Variants in TMEM117 observed in about 807,000 individuals in gnomAD.
TMEM117 encodes transmembrane protein 117.
Under a neutral mutation model 52.4 loss-of-function variants are expected in TMEM117, and 27 were observed. The observed-to-expected ratio is 0.51, with a 90% confidence interval of 0.38 to 0.71. The LOEUF (loss-of-function observed/expected upper bound fraction) is 0.71. Among genes scored for constraint, TMEM117 ranks in the 30% least tolerant of loss-of-function variants. TMEM117 has a pLI of 0.00. For missense variants in TMEM117, 556 were observed against 630.5 expected (o/e 0.88, Z 1.26); for synonymous variants, 215 against 206.3 (o/e 1.04, Z -0.36).
chr12:43,959,416 T>C (rs1028837774), intron 3 of TMEM117, among the ~76,000 whole-genome samples: 2 of 152,236 alleles, frequency 1.3e-5, no homozygotes, highest in Non-Finnish European at 2.9e-5. Flanking sequence ...ATTTATCATT[T>C]AGTGGAAAAA....
intron 3 of TMEM117, chr12:44,009,651 C>A (rs1468223183): frequency 4.2e-6 from 1 of 239,026 alleles, no homozygotes. Context: ...GGTTAGGGCT[C>A]CGCTGGTTTA....
intron 2 of TMEM117, among the ~76,000 whole-genome samples, chr12:43,904,212 T>C (rs888645628): frequency 6.6e-6 from 1 of 152,142 alleles, no homozygotes; most frequent in Admixed American, 6.6e-5. Flanking sequence ...TTTATTTCCT[T>C]AAAAACAACC....
At chr12:43,996,851 A>G (rs1411811655) in intron 3 of TMEM117, among the ~76,000 whole-genome samples, 1 of 152,054 alleles carries the variant, frequency 6.6e-6, no homozygotes, top group Non-Finnish European at 1.5e-5. Context: ...TAGGAAAAAA[A>G]TTTTAACTTG....
chr12:43,941,802 C>T (rs1474199395), intron 2 of TMEM117, among the ~76,000 whole-genome samples: 1 of 152,188 alleles, frequency 6.6e-6, no homozygotes, highest in East Asian at 1.9e-4. Flanking sequence ...AAATTAGTGG[C>T]AGACGATGAG....
chr12:44,236,187 TAG>T (rs200861994), intron 5 of TMEM117, among the ~76,000 whole-genome samples: 8,640 of 141,450 alleles, frequency 0.061, 319 homozygotes, highest in African/African-American at 0.12. Context: ...TATATATATA[TAG>T]AGAGAGAGAG....
intron 3 of TMEM117, among the ~76,000 whole-genome samples, chr12:44,057,770 G>A (rs1429040991): frequency 6.6e-6 from 1 of 152,062 alleles, no homozygotes; most frequent in Non-Finnish European, 1.5e-5. Flanking sequence ...GTGGCTCTGG[G>A]GGAACCATAT....
At chr12:43,863,878 G>A (rs540729628) in intron 2 of TMEM117, among the ~76,000 whole-genome samples, 4 of 152,194 alleles carry the variant, frequency 2.6e-5, no homozygotes, top group Admixed American at 1.3e-4. Context: ...TGGCTCCCTT[G>A]GCTTGCAGGG....
At chr12:43,846,749 G>A (rs1592302542) in intron 2 of TMEM117, among the ~76,000 whole-genome samples, 1 of 152,166 alleles carries the variant, frequency 6.6e-6, no homozygotes, top group East Asian at 1.9e-4. Flanking sequence ...ACTTAGCAGT[G>A]ATAAGATAAA....
intron 5 of TMEM117, among the ~76,000 whole-genome samples, chr12:44,267,499 C>A (rs1380218302): frequency 1.3e-5 from 2 of 152,068 alleles, no homozygotes; most frequent in African/African-American, 4.8e-5. Flanking sequence ...AGTTTGCTCC[C>A]AATTTCTTTA....
At chr12:44,127,466 C>G (rs1948344730) in intron 3 of TMEM117, among the ~76,000 whole-genome samples, 1 of 151,946 alleles carries the variant, frequency 6.6e-6, no homozygotes, top group South Asian at 2.1e-4. Context: ...CACCTGAGGT[C>G]AAGAGTTTGA....
At chr12:44,094,029 C>A (rs1021654941) in intron 3 of TMEM117, among the ~76,000 whole-genome samples, 1 of 151,522 alleles carries the variant, frequency 6.6e-6, no homozygotes, top group Non-Finnish European at 1.5e-5. Flanking sequence ...AAAAGCAAAA[C>A]ATGGAAGAAT....
intron 3 of TMEM117, among the ~76,000 whole-genome samples, chr12:44,062,598 T>A (rs1221278809): frequency 1.3e-5 from 2 of 152,212 alleles, no homozygotes; most frequent in Admixed American, 1.3e-4. Flanking sequence ...CTTTGTTCCT[T>A]GTGAGAAGGA....
rs533911731 is a variant in TMEM117, at chr12:43,858,172, G to C, written c.277+13244G>C. Among the ~76,000 whole-genome samples, 4 of 152,300 alleles carry C rather than the reference G, an allele frequency of 2.6e-5. No homozygotes were observed. In the South Asian group the frequency reaches 6.2e-4, roughly 24 times the overall value. ...GTGGCTGTGACCCAGAGTTATTGTT[G>C]ATGGGTAAATAGAAATGTACAGGGT... On this transcript the variant is annotated intron_variant, in intron 2 of 7. Coordinates refer to ENST00000266534, the MANE Select transcript of TMEM117 (RefSeq NM_032256.3).
the TMEM117 span, among the ~76,000 whole-genome samples, chr12:43,825,122 A>C: frequency 6.6e-6 from 1 of 152,208 alleles, no homozygotes; most frequent in Non-Finnish European, 1.5e-5. Context: ...GAAGCTAAAC[A>C]TTCTGTTTTT....
intron 3 of TMEM117, among the ~76,000 whole-genome samples, chr12:44,006,883 T>G (rs905518649): frequency 6.6e-6 from 1 of 152,210 alleles, no homozygotes; most frequent in Non-Finnish European, 1.5e-5. Context: ...GATGACAGAC[T>G]TCTATCATTA....
intron 2 of TMEM117, among the ~76,000 whole-genome samples, chr12:43,943,167 A>T (rs1945072692): frequency 1.0e-5 from 1 of 98,596 alleles, no homozygotes; most frequent in Non-Finnish European, 1.9e-5. Context: ...ACAGAGCAAG[A>T]CTCTGTCTCA....
At chr12:43,919,198 G>A (rs1261874554) in intron 2 of TMEM117, among the ~76,000 whole-genome samples, 2 of 152,140 alleles carry the variant, frequency 1.3e-5, no homozygotes, top group African/African-American at 2.4e-5. Context: ...TGTACAATAC[G>A]TTATTGTTGA....
chr12:44,235,631 C>T (rs1346102592), intron 5 of TMEM117, among the ~76,000 whole-genome samples: 1 of 151,692 alleles, frequency 6.6e-6, no homozygotes, highest in Non-Finnish European at 1.5e-5. Context: ...TTCCCTTCTT[C>T]CAGTTTGCTT....
intron 6 of TMEM117, among the ~76,000 whole-genome samples, chr12:44,370,358 T>C (rs974874792): frequency 1.3e-5 from 2 of 152,094 alleles, no homozygotes; most frequent in Non-Finnish European, 2.9e-5. Flanking sequence ...ACCTAGTTTA[T>C]AGGGAAAAAA....
Sources: gnomAD v4.1 joint callset for allele counts (sites outside exome capture counted in the v4.1 genomes callset) on GRCh38, gnomAD v4.1.1 for gene constraint, MANE v1.5 for transcripts, NCBI Gene and HGNC (gene_info 2026-07-23, HGNC 2026-07-21) for gene names.